NRXN1: variants seen among roughly 807,000 people sequenced by gnomAD.
NRXN1 encodes the protein neurexin-1.
NRXN1 carries 39 observed loss-of-function variants against 150.9 expected under a neutral mutation model. The observed-to-expected ratio is 0.26, with a 90% confidence interval of 0.20 to 0.34. The LOEUF (loss-of-function observed/expected upper bound fraction) is 0.34, where lower values mean the gene tolerates loss of function less well. Ranked by LOEUF, NRXN1 falls within the 10% of genes least tolerant of loss-of-function variation. NRXN1 has a pLI of 1.00. For synonymous variants in NRXN1, 924 were observed against 757.0 expected, an observed-to-expected ratio of 1.22 and a Z score of -3.62; for missense variants, 1,815 against 1,949.9, an observed-to-expected ratio of 0.93 and a Z score of 1.30.
At chr2:50,239,996 G>C (rs2065868843) in intron 17 of NRXN1, among the ~76,000 whole-genome samples, 1 of 151,154 alleles carries the variant, frequency 6.6e-6, no homozygotes, top group South Asian at 2.1e-4. Flanking sequence ...AAAGTTTCTA[G>C]CACAATTATA....
intron 17 of NRXN1, among the ~76,000 whole-genome samples, chr2:50,344,261 C>T (rs142381212): frequency 6.6e-6 from 1 of 152,168 alleles, no homozygotes; most frequent in African/African-American, 2.4e-5. Flanking sequence ...TCCTAATGTT[C>T]CTTGATTGTT....
intron 17 of NRXN1, among the ~76,000 whole-genome samples, chr2:50,409,352 A>G (rs1449453932): frequency 6.6e-6 from 1 of 152,200 alleles, no homozygotes; most frequent in Non-Finnish European, 1.5e-5. Flanking sequence ...TATAAAGAAA[A>G]CAAAACAAAA....
intron 19 of NRXN1, 63 bp downstream of exon 19, chr2:50,091,260 A>AGTGC: frequency 6.4e-7 from 1 of 1,573,190 alleles, no homozygotes; most frequent in Non-Finnish European, 8.7e-7. Flanking sequence ...GATGCAAAAC[A>AGTGC]GTGCTTTTTC....
intron 17 of NRXN1, among the ~76,000 whole-genome samples, chr2:50,407,406 C>G (rs570480609): frequency 3.9e-5 from 6 of 152,288 alleles, no homozygotes; most frequent in African/African-American, 1.4e-4. Context: ...ACCTCGCCTT[C>G]AGGACACAAA....
chr2:50,915,272 G>C (rs898608307), intron 5 of NRXN1, among the ~76,000 whole-genome samples: 7 of 151,614 alleles, frequency 4.6e-5, no homozygotes, highest in Non-Finnish European at 3.0e-5. Context: ...CTAGGTGTCA[G>C]CAGTCTCAAC....
intron 18 of NRXN1, among the ~76,000 whole-genome samples, chr2:50,153,626 C>A (rs529891707): frequency 1.3e-5 from 2 of 151,570 alleles, no homozygotes; most frequent in Non-Finnish European, 1.5e-5. Context: ...GTATGCACAC[C>A]GACTTTCTAA....
chr2:50,856,005 AG>A, intron 5 of NRXN1, among the ~76,000 whole-genome samples: 1 of 151,378 alleles, frequency 6.6e-6, no homozygotes, highest in Non-Finnish European at 1.5e-5. Flanking sequence ...ATATGCAATG[AG>A]CAACAGAACA....
At chr2:50,593,880 A>G (rs959694936) in intron 8 of NRXN1, among the ~76,000 whole-genome samples, 1 of 152,240 alleles carries the variant, frequency 6.6e-6, no homozygotes, top group African/African-American at 2.4e-5. Flanking sequence ...TTGCATGAGG[A>G]TGATACCCTT....
rs112544065 is a variant in NRXN1 at position 50,749,273 on chromosome 2, T to C, written c.833-125658A>G. Among the ~76,000 whole-genome samples, 18 of 152,284 alleles carry C rather than the reference T, an allele frequency of 1.2e-4. 1 individual carries two copies. The highest frequency in any genetic ancestry group is 4.3e-4 in the African/African-American group (18 of 41,570). Reference sequence around the variant, plus strand: ...CTGCCTCAGAAGTGGTACATTCTAATAAGATGTGGCATGATAATCTATTCT... The same window carrying C: ...CTGCCTCAGAAGTGGTACATTCTAACAAGATGTGGCATGATAATCTATTCT... On this transcript the variant is annotated intron_variant, in intron 5 of 22. Coordinates refer to ENST00000401669, the MANE Select transcript of NRXN1 (RefSeq NM_001330078.2).
intron 5 of NRXN1, among the ~76,000 whole-genome samples, chr2:50,779,531 G>T (rs900254076): frequency 2.0e-5 from 3 of 152,138 alleles, no homozygotes; most frequent in Admixed American, 1.3e-4. Context: ...CACTTTGGGA[G>T]GCCAAGGCGG....
chr2:50,389,341 G>C (rs933084974), intron 17 of NRXN1, among the ~76,000 whole-genome samples: 3 of 149,954 alleles, frequency 2.0e-5, no homozygotes, highest in Non-Finnish European at 4.4e-5. Flanking sequence ...ACACCATTTA[G>C]TCCAATGATA....
In NRXN1 at chr2:50,428,233, C is replaced by G. The variant is rs185400052; in HGVS notation, c.3364+37209G>C. ...GTTCAAGACCACCTGGGCAACACAG[C>G]AAGACCCCCGTCTCTACGAAAAAAT... is the stretch of plus-strand genomic sequence containing the variant. On this transcript the variant is annotated intron_variant, in intron 17 of 22. Coordinates refer to ENST00000401669, the MANE Select transcript of NRXN1 (RefSeq NM_001330078.2). Among the ~76,000 whole-genome samples, 887 of 152,122 alleles carry G rather than the reference C, an allele frequency of 5.8e-3. 14 individuals are homozygous for G. Among genetic ancestry groups the G allele is most frequent in the Middle Eastern group, 0.01 (3 of 294 alleles).
intron 5 of NRXN1, among the ~76,000 whole-genome samples, chr2:50,639,422 T>C (rs993731272): frequency 6.6e-6 from 1 of 151,904 alleles, no homozygotes; most frequent in South Asian, 2.1e-4. Flanking sequence ...GGTCTTACCA[T>C]GTTGGCCAGG....
chr2:49,992,391 A>G (rs1227111644), intron 21 of NRXN1, among the ~76,000 whole-genome samples: 1 of 140,144 alleles, frequency 7.1e-6, no homozygotes, highest in African/African-American at 2.6e-5. Context: ...ACAAACAAAA[A>G]AAAAACACCC....
At chr2:50,511,722 G>T (rs773995840) in intron 12 of NRXN1, among the ~76,000 whole-genome samples, 9 of 152,090 alleles carry the variant, frequency 5.9e-5, no homozygotes, top group Non-Finnish European at 1.3e-4. Context: ...GCATGGTACC[G>T]ACAGAGGAAA....
chr2:50,553,762 G>T (rs1296270066), intron 8 of NRXN1, among the ~76,000 whole-genome samples: 10 of 152,212 alleles, frequency 6.6e-5, no homozygotes, highest in Admixed American at 5.2e-4. Context: ...CGCAAGGGTT[G>T]TCTTGTACTC....
chr2:50,549,534 A>G (rs980146541), intron 9 of NRXN1, among the ~76,000 whole-genome samples: 1 of 152,222 alleles, frequency 6.6e-6, no homozygotes, highest in African/African-American at 2.4e-5. Context: ...ACTGGATTCA[A>G]AGAAAAATCT....
intron 2 of NRXN1, among the ~76,000 whole-genome samples, chr2:51,007,872 C>G (rs1338591153): frequency 2.0e-5 from 3 of 150,348 alleles, no homozygotes; most frequent in African/African-American, 7.3e-5. Context: ...TATCAAAAAG[C>G]CAAAATATGA....
intron 17 of NRXN1, among the ~76,000 whole-genome samples, chr2:50,379,279 T>C (rs949641388): frequency 6.6e-6 from 1 of 152,126 alleles, no homozygotes; most frequent in African/African-American, 2.4e-5. Context: ...TATCAGTCAG[T>C]ATACTCACTT....
Sources: gnomAD v4.1 joint callset for allele counts (sites outside exome capture counted in the v4.1 genomes callset) on GRCh38, gnomAD v4.1.1 for gene constraint, MANE v1.5 for transcripts, NCBI Gene and HGNC (gene_info 2026-07-23, HGNC 2026-07-21) for gene names.